The following SGCD variants were observed in gnomAD, a reference collection of about 807,000 sequenced individuals.
SGCD encodes the protein sarcoglycan delta.
SGCD carries 18 observed loss-of-function variants against 36.6 expected under a neutral mutation model. That is an observed-to-expected ratio of 0.49 (90% CI 0.34 to 0.73). The LOEUF (loss-of-function observed/expected upper bound fraction) is 0.73. Ranked by LOEUF, SGCD falls within the 30% of genes least tolerant of loss-of-function variation. The probability of loss-of-function intolerance (pLI) is 0.01; values close to 1 mark genes in which losing one functional copy is unlikely to be tolerated. For synonymous variants in SGCD, 133 were observed against 130.6 expected, an observed-to-expected ratio of 1.02 and a Z score of -0.12; for missense variants, 387 against 346.7, an observed-to-expected ratio of 1.12 and a Z score of -0.92.
chr5:155,841,363 G>A, the SGCD span, among the ~76,000 whole-genome samples: 13,955 of 152,258 alleles, frequency 0.092, 817 homozygotes, highest in South Asian at 0.2. Context: ...ATATTAATCA[G>A]TGGCTATTTC....
At chr5:156,289,875 T>G (rs576537598) in intron 3 of SGCD, among the ~76,000 whole-genome samples, 1 of 152,176 alleles carries the variant, frequency 6.6e-6, no homozygotes, top group South Asian at 2.1e-4. Context: ...GTAGTATGAA[T>G]GTCTAGTCTC....
intron 7 of SGCD, among the ~76,000 whole-genome samples, chr5:156,677,454 C>T (rs1753558100): frequency 6.6e-6 from 1 of 152,034 alleles, no homozygotes; most frequent in East Asian, 1.9e-4. Context: ...AAACCAAACA[C>T]CACATGTTCT....
At chr5:156,284,629 A>T (rs1278375091) in intron 3 of SGCD, among the ~76,000 whole-genome samples, 2 of 152,208 alleles carry the variant, frequency 1.3e-5, no homozygotes, top group Non-Finnish European at 2.9e-5. Context: ...ACAGCCCTTC[A>T]TGCTAAAAAC....
At chr5:155,733,749 A>T in the SGCD span, among the ~76,000 whole-genome samples, 3 of 152,110 alleles carry the variant, frequency 2.0e-5, no homozygotes, top group African/African-American at 7.2e-5. Context: ...GAGTGCAGAC[A>T]ACTAGGGGTC....
intron 1 of SGCD, among the ~76,000 whole-genome samples, chr5:155,895,283 T>A (rs545908916): frequency 6.6e-6 from 1 of 152,354 alleles, no homozygotes; most frequent in African/African-American, 2.4e-5. Flanking sequence ...AGTTTTGAGA[T>A]CTGATTAATT....
intron 3 of SGCD, among the ~76,000 whole-genome samples, chr5:156,409,032 T>A (rs1361164871): frequency 6.6e-6 from 1 of 152,154 alleles, no homozygotes; most frequent in African/African-American, 2.4e-5. Context: ...AGTAACATAA[T>A]AAAAAATGCT....
chr5:156,350,245 A>T (rs1430289060), intron 3 of SGCD, among the ~76,000 whole-genome samples: 2 of 138,270 alleles, frequency 1.4e-5, no homozygotes, highest in African/African-American at 5.3e-5. Flanking sequence ...GAGGAAAAAA[A>T]ATTATATATA....
chr5:156,291,596 A>T (rs1002887126), intron 3 of SGCD, among the ~76,000 whole-genome samples: 1 of 152,088 alleles, frequency 6.6e-6, no homozygotes, highest in African/African-American at 2.4e-5. Context: ...TTGTGGTAAA[A>T]TATCCACAAC....
chr5:156,541,965 T>C (rs1291845614), intron 4 of SGCD, among the ~76,000 whole-genome samples: 2 of 152,192 alleles, frequency 1.3e-5, no homozygotes, highest in African/African-American at 4.8e-5. Flanking sequence ...CCTTGAAAAG[T>C]GACTAGCATT....
intron 2 of SGCD, among the ~76,000 whole-genome samples, chr5:156,338,083 G>T (rs1375088978): frequency 1.3e-5 from 2 of 152,084 alleles, no homozygotes; most frequent in African/African-American, 2.4e-5. Context: ...GTTGATCATG[G>T]CCCATACAAT....
the SGCD span, among the ~76,000 whole-genome samples, chr5:155,780,744 A>T: frequency 6.6e-6 from 1 of 152,228 alleles, no homozygotes; most frequent in African/African-American, 2.4e-5. Context: ...ATTGATTTCT[A>T]GCAGTGATTC....
chr5:156,080,023 C>A (rs1760910178), intron 1 of SGCD, among the ~76,000 whole-genome samples: 1 of 152,254 alleles, frequency 6.6e-6, no homozygotes, highest in Non-Finnish European at 1.5e-5. Context: ...CTTTCTGATA[C>A]ATCCTCTGAA....
intron 7 of SGCD, among the ~76,000 whole-genome samples, chr5:156,673,479 C>T (rs1003751616): frequency 6.6e-6 from 1 of 152,278 alleles, no homozygotes; most frequent in Non-Finnish European, 1.5e-5. Context: ...TCCTCTTTTA[C>T]CCAGTTATAC....
At chr5:156,315,223 C>T (rs1199121437) in intron 3 of SGCD, among the ~76,000 whole-genome samples, 1 of 151,448 alleles carries the variant, frequency 6.6e-6, no homozygotes, top group Non-Finnish European at 1.5e-5. Flanking sequence ...TACCTACCAC[C>T]CCCTTGTAAC....
intron 3 of SGCD, among the ~76,000 whole-genome samples, chr5:156,263,785 G>T (rs573772944): frequency 6.6e-6 from 1 of 152,078 alleles, no homozygotes; most frequent in East Asian, 1.9e-4. Flanking sequence ...GAGAGATGAA[G>T]ATCCAGCTTC....
chr5:156,325,125 T>C (rs76774098), upstream of SGCD, among the ~76,000 whole-genome samples: 1,302 of 152,184 alleles, frequency 8.6e-3, 21 homozygotes, highest in African/African-American at 0.029. Context: ...TGTGAGTTAA[T>C]CTCAAGGAAA....
intron 1 of SGCD, among the ~76,000 whole-genome samples, chr5:156,000,500 A>G (rs550063619): frequency 6.6e-6 from 1 of 152,332 alleles, no homozygotes; most frequent in South Asian, 2.1e-4. Context: ...AACTTTTAAA[A>G]GAAATTAGCA....
rs567690302 is a variant in SGCD at position 156,448,959 on chromosome 5, G to A, written c.193-59642G>A. Among the ~76,000 whole-genome samples the A allele has an allele frequency of 2.0e-3, 302 of 151,922 alleles. 2 individuals carry two copies. Among genetic ancestry groups the A allele is most frequent in the Admixed American group, 5.6e-3 (86 of 15,248 alleles). On this transcript the variant is annotated intron_variant, in intron 3 of 8. Transcript: ENST00000337851. Reference sequence around the variant, plus strand: ...TAGTAAAGACTGTTTTTACCATGTTGGCCAGGCTGGTCTGGAACTCCTGAC... The same window carrying A: ...TAGTAAAGACTGTTTTTACCATGTTAGCCAGGCTGGTCTGGAACTCCTGAC...
At chr5:155,897,719 C>T (rs1174664114) in intron 1 of SGCD, among the ~76,000 whole-genome samples, 1 of 151,800 alleles carries the variant, frequency 6.6e-6, no homozygotes, top group East Asian at 1.9e-4. Flanking sequence ...TAAGACAACA[C>T]ACACGTTAGT....
Sources: allele counts gnomAD v4.1 joint callset (sites outside exome capture counted in the v4.1 genomes callset), GRCh38; gene constraint gnomAD v4.1.1; transcripts MANE v1.5; gene names NCBI Gene and HGNC (gene_info 2026-07-23, HGNC 2026-07-21).